Variants in FAM171A1 observed in about 807,000 individuals in gnomAD.
The protein encoded by FAM171A1 is family with sequence similarity 171 member A1, also known as protein FAM171A1.
Under a neutral mutation model 74.9 loss-of-function variants are expected in FAM171A1, and 23 were observed. The observed-to-expected ratio is 0.31, with a 90% CI of 0.22 to 0.44. FAM171A1 has a LOEUF of 0.44. FAM171A1 is among the 20% of genes least tolerant of loss of function. The pLI is 1.00. For missense variants in FAM171A1, 1,162 were observed against 1,159.2 expected (o/e 1.00, Z -0.03); for synonymous variants, 527 against 505.7 (o/e 1.04, Z -0.57).
chr10:15,331,859 G>GTATA, intron 1 of FAM171A1, among the ~76,000 whole-genome samples: 1 of 44,928 alleles, frequency 2.2e-5, no homozygotes, highest in Non-Finnish European at 4.2e-5. Flanking sequence ...ATATATGTGT[G>GTATA]TATATATATG....
chr10:15,353,703 G>T (rs1276942293), intron 1 of FAM171A1, among the ~76,000 whole-genome samples: 1 of 152,210 alleles, frequency 6.6e-6, no homozygotes, highest in African/African-American at 2.4e-5. Context: ...CCAGGAAAAA[G>T]GCAGCAGTGT....
chr10:15,320,735 G>A (rs1207203436), intron 1 of FAM171A1, among the ~76,000 whole-genome samples: 1 of 152,096 alleles, frequency 6.6e-6, no homozygotes, highest in Non-Finnish European at 1.5e-5. Context: ...CTTCCTGTTT[G>A]TTGGCCATGT....
At chr10:15,332,098 G>C (rs980955002) in intron 1 of FAM171A1, among the ~76,000 whole-genome samples, 7 of 151,268 alleles carry the variant, frequency 4.6e-5, no homozygotes, top group African/African-American at 1.7e-4. Context: ...GATTACAGGT[G>C]GGCACCACCA....
At position 15,262,860 on chromosome 10, in the gene FAM171A1, A is replaced by G. The variant is rs373639138; in HGVS notation, c.419-7981T>C. ...GTTCATGGTGGGGCAGAGAAGCTGCAGGAGGACACTGCCATGTCCTCTTCG... is the reference window on the plus strand; with the variant it reads ...GTTCATGGTGGGGCAGAGAAGCTGCGGGAGGACACTGCCATGTCCTCTTCG... On this transcript the variant is annotated intron_variant, in intron 3 of 7. Coordinates refer to ENST00000378116, the MANE Select transcript of FAM171A1 (RefSeq NM_001010924.2). 2.7e-3 allele frequency among the ~76,000 whole-genome samples: 417 copies of G among 152,336 alleles called. 1 individual carries two copies. Among genetic ancestry groups the G allele is most frequent in the African/African-American group, 9.5e-3 (395 of 41,584 alleles).
intron 5 of FAM171A1, among the ~76,000 whole-genome samples, chr10:15,246,447 T>C (rs1326461880): frequency 1.3e-5 from 2 of 152,252 alleles, no homozygotes; most frequent in African/African-American, 4.8e-5. Flanking sequence ...TTTGAAAATA[T>C]ACTGATATCA....
chr10:15,273,130 T>C (rs1046265582), intron 3 of FAM171A1, among the ~76,000 whole-genome samples: 1 of 151,732 alleles, frequency 6.6e-6, no homozygotes, highest in Non-Finnish European at 1.5e-5. Flanking sequence ...ATCAACAAAA[T>C]TGATAGACCA....
chr10:15,373,265 C>T (rs1836170871), upstream of FAM171A1, among the ~76,000 whole-genome samples: 2 of 152,286 alleles, frequency 1.3e-5, no homozygotes, highest in East Asian at 3.9e-4. Context: ...TGGATTCCCT[C>T]CTTCTTCTGA....
At chr10:15,352,021 C>T (rs1158687445) in intron 1 of FAM171A1, among the ~76,000 whole-genome samples, 1 of 150,462 alleles carries the variant, frequency 6.6e-6, no homozygotes, top group African/African-American at 2.5e-5. Flanking sequence ...AACCCTGTCT[C>T]TATTAAATAC....
At chr10:15,361,068 T>C (rs1835987847) in intron 1 of FAM171A1, among the ~76,000 whole-genome samples, 1 of 152,158 alleles carries the variant, frequency 6.6e-6, no homozygotes, top group South Asian at 2.1e-4. Flanking sequence ...TAAGAAACTA[T>C]AATCAATGTC....
At chr10:15,251,854 T>G (rs1362491565) in intron 4 of FAM171A1, among the ~76,000 whole-genome samples, 1 of 152,176 alleles carries the variant, frequency 6.6e-6, no homozygotes, top group Non-Finnish European at 1.5e-5. Flanking sequence ...TGGCTCCCTT[T>G]AAGTCTGCAC....
Position 15,296,195 on chromosome 10 carries a change from T to C in FAM171A1, c.98-12090A>G, listed in dbSNP as rs369886843. On this transcript the variant is annotated intron_variant, in intron 1 of 7. Transcript: ENST00000378116. ...ACTCTGTTACACTGGAGTTTTCATG[T>C]AATTTTTTCCAGACTCACATAGTGC... Among the ~76,000 whole-genome samples the C allele has an allele frequency of 3.7e-4, 56 of 152,314 alleles. 2 individuals carry two copies. In the South Asian group the frequency reaches 0.011, roughly 30 times the overall value.
intron 1 of FAM171A1, among the ~76,000 whole-genome samples, chr10:15,309,364 T>C (rs1039235002): frequency 1.3e-5 from 2 of 152,074 alleles, no homozygotes; most frequent in Admixed American, 1.3e-4. Context: ...CACACCACCA[T>C]GTCTGGTTGT....
intron 5 of FAM171A1, among the ~76,000 whole-genome samples, chr10:15,227,012 T>C (rs1834117400): frequency 6.6e-6 from 1 of 152,180 alleles, no homozygotes; most frequent in East Asian, 1.9e-4. Flanking sequence ...TACATATATT[T>C]CTTTTTAGAC....
chr10:15,236,323 A>G (rs1834289702), intron 5 of FAM171A1, among the ~76,000 whole-genome samples: 1 of 151,992 alleles, frequency 6.6e-6, no homozygotes, highest in Admixed American at 6.5e-5. Flanking sequence ...ATATGGGCTA[A>G]ATAATAGCAG....
At chr10:15,254,612 T>A in intron 4 of FAM171A1, 109 bp downstream of exon 4, 1 of 1,221,536 alleles carries the variant, frequency 8.2e-7, no homozygotes, top group Non-Finnish European at 1.1e-6. Context: ...TTCTGCACCT[T>A]CAGTGCCTTT....
At chr10:15,315,939 G>A (rs1835416820) in intron 1 of FAM171A1, among the ~76,000 whole-genome samples, 1 of 152,014 alleles carries the variant, frequency 6.6e-6, no homozygotes, top group Non-Finnish European at 1.5e-5. Flanking sequence ...CCAGCTCCCA[G>A]AAGCCACTAA....
At chr10:15,324,119 C>T (rs1487294801) in intron 1 of FAM171A1, among the ~76,000 whole-genome samples, 1 of 152,160 alleles carries the variant, frequency 6.6e-6, no homozygotes, top group African/African-American at 2.4e-5. Flanking sequence ...GAGCCTTAAC[C>T]TCCACCCCAG....
rs756801898 is a variant in FAM171A1 at position 15,213,566 on chromosome 10, G to A, written c.2022C>T (p.Asn674=). The change falls in exon 8 of 8, where the codon AAC becomes AAT. Residue 674 remains asparagine, a synonymous_variant. Coordinates refer to ENST00000378116, the MANE Select transcript of FAM171A1 (RefSeq NM_001010924.2). This position sits in a 1 kb window ranked among gnomAD's most constrained non-coding sequence, Gnocchi z 6.8. ...TGTTCATCTGAGCCAAAGCCGCGTCGTTCAGGGAAGCTGGGATGGAGAGAG... is the reference window on the plus strand; with the variant it reads ...TGTTCATCTGAGCCAAAGCCGCGTCATTCAGGGAAGCTGGGATGGAGAGAG... ...SESLSIPASL[N]DAALAQMNSE... is the part of the protein sequence containing the mutation. 5.0e-6 allele frequency: 8 copies of A among 1,614,180 alleles called. No homozygotes were observed. The East Asian group carries it at 6.7e-5, about 13-fold the overall frequency.
chr10:15,347,544 G>C (rs1433734964), intron 1 of FAM171A1, among the ~76,000 whole-genome samples: 1 of 152,072 alleles, frequency 6.6e-6, no homozygotes, highest in Non-Finnish European at 1.5e-5. Context: ...CCTAGAAAAA[G>C]CTGCAGAATT....
Sources: gnomAD v4.1 joint callset for allele counts (sites outside exome capture counted in the v4.1 genomes callset) on GRCh38, gnomAD v4.1.1 for gene constraint, Gnocchi (gnomAD v3.1) non-coding constraint, MANE v1.5 for transcripts, NCBI Gene and HGNC (gene_info 2026-07-23, HGNC 2026-07-21) for gene names.